GLB1L3: variants seen among roughly 807,000 people sequenced by gnomAD.
GLB1L3 encodes beta-galactosidase-1-like protein 3.
GLB1L3 carries 89 observed loss-of-function variants against 89.5 expected under a neutral mutation model. That is an observed-to-expected ratio of 0.99 (90% CI 0.84 to 1.19). GLB1L3 has a LOEUF of 1.19. Ranked by LOEUF, GLB1L3 falls within the 50% of genes most tolerant of loss-of-function variation. GLB1L3 has a pLI of 0.00. For missense variants in GLB1L3, 812 were observed against 813.3 expected, an observed-to-expected ratio of 1.00 and a Z score of 0.02; for synonymous variants, 314 against 312.3, an observed-to-expected ratio of 1.01 and a Z score of -0.06.
chr11:134,293,159 A>C lies in GLB1L3; in HGVS notation c.826A>C (p.Asn276His). The change falls in exon 9 of 20, where the codon AAT becomes CAT. Residue 276 changes from asparagine (N) to histidine (H), a missense_variant. Transcript: ENST00000431683. The part of the protein sequence containing the change: ...GHTKGVLAAI[N>H]LQKLHQDTFN... Reference sequence around the variant, plus strand: ...TCTTTATGCAGTGTTGGCCGCCATCAATTTGCAAAAACTTCACCAGGATAC... The same window carrying C: ...TCTTTATGCAGTGTTGGCCGCCATCCATTTGCAAAAACTTCACCAGGATAC... 1.2e-6 allele frequency: 2 copies of C among 1,613,778 alleles called. No homozygotes were observed. Among genetic ancestry groups the C allele is most frequent in the Non-Finnish European group, 1.7e-6 (2 of 1,179,760 alleles).
chr11:134,283,305 C>A (rs1940800153), intron 5 of GLB1L3, among the ~76,000 whole-genome samples: 1 of 152,160 alleles, frequency 6.6e-6, no homozygotes. Context: ...CTCAGGTGAT[C>A]TGCCCACCTC....
At position 134,295,045 on chromosome 11, in the gene GLB1L3, T is replaced by A. The variant is rs915253505; in HGVS notation, c.876+1836T>A. Reference sequence around the variant, plus strand: ...CATATTTTTGTTGAGAATTTTTGCTTCCATGTTTATGAAGGGCATTGGTCT... The same window carrying A: ...CATATTTTTGTTGAGAATTTTTGCTACCATGTTTATGAAGGGCATTGGTCT... On this transcript the variant is annotated intron_variant, in intron 9 of 19. Coordinates refer to ENST00000431683, the MANE Select transcript of GLB1L3 (RefSeq NM_001080407.3). Among the ~76,000 whole-genome samples, 4 of 152,250 alleles carry A rather than the reference T, an allele frequency of 2.6e-5. No homozygotes were observed. The South Asian group carries it at 8.3e-4, about 32-fold the overall frequency.
chr11:134,299,471 G>A (rs1382390352), intron 9 of GLB1L3, among the ~76,000 whole-genome samples: 3 of 152,120 alleles, frequency 2.0e-5, no homozygotes, highest in East Asian at 1.9e-4. Context: ...TGTTCCCCTC[G>A]TCTGGAGTTA....
intron 9 of GLB1L3, among the ~76,000 whole-genome samples, chr11:134,294,239 G>A (rs1216321320): frequency 2.0e-5 from 3 of 151,986 alleles, no homozygotes; most frequent in South Asian, 4.1e-4. Context: ...GCTAATTTTT[G>A]TACTTTTTGG....
intron 11 of GLB1L3, 91 bp downstream of exon 11, chr11:134,309,854 G>T: frequency 7.1e-7 from 1 of 1,406,814 alleles, no homozygotes; most frequent in Non-Finnish European, 9.8e-7. Context: ...GCACCACTGG[G>T]TTCTTGACCT....
At chr11:134,316,504 A>G (rs988787389) in intron 18 of GLB1L3, among the ~76,000 whole-genome samples, 1 of 152,212 alleles carries the variant, frequency 6.6e-6, no homozygotes, top group Admixed American at 6.5e-5. Context: ...CAGTTTAATC[A>G]TAACTATAAA....
intron 18 of GLB1L3, among the ~76,000 whole-genome samples, chr11:134,318,039 A>G (rs913560302): frequency 9.2e-5 from 14 of 152,122 alleles, no homozygotes; most frequent in Non-Finnish European, 2.9e-5. Context: ...CCAATGCCTT[A>G]TGTTTTTGAT....
chr11:134,305,548 T>C (rs1234920910), intron 9 of GLB1L3, among the ~76,000 whole-genome samples: 2 of 152,188 alleles, frequency 1.3e-5, no homozygotes, highest in Non-Finnish European at 2.9e-5. Context: ...AGGAGGAGAA[T>C]GTCAAGCCCA....
rs1412977493 is a variant in GLB1L3, at chr11:134,276,681, C to G, written c.-60C>G. 3 of 1,365,514 alleles carry G rather than the reference C, an allele frequency of 2.2e-6. No individual in the cohort carries two copies. The highest frequency in any genetic ancestry group is 2.8e-6 in the Non-Finnish European group (3 of 1,056,044). 84.6% of individuals were successfully genotyped at this position (1,365,514 alleles called of 1,614,324 possible). A position where few individuals can be genotyped will look rare whatever the true frequency, so the allele number is the denominator to read the frequency against. On this transcript the variant is annotated 5_prime_UTR_variant, in exon 1 of 20. Transcript: ENST00000431683. ...TCGAGTCCCGGCCCGAGCGCGGCGT[C>G]GGGGCCAGCGGAGAGGGGCGGAAGC...
intron 10 of GLB1L3, among the ~76,000 whole-genome samples, chr11:134,308,356 C>T (rs1215559461): frequency 3.1e-5 from 1 of 31,786 alleles, no homozygotes; most frequent in Non-Finnish European, 6.7e-5. Context: ...ACCATCACCA[C>T]TACCACCACC....
At chr11:134,280,875 T>A (rs978737079) in intron 3 of GLB1L3, among the ~76,000 whole-genome samples, 3 of 152,222 alleles carry the variant, frequency 2.0e-5, no homozygotes, top group African/African-American at 7.2e-5. Flanking sequence ...CTATGCCTGG[T>A]ATACCTAATA....
rs779133619 is a variant in GLB1L3 at position 134,313,966 on chromosome 11, T to G, written c.1605T>G (p.Asn535Lys). 6.2e-7 allele frequency: 1 copy of G among 1,612,532 alleles called. No homozygotes were observed. The highest frequency in any genetic ancestry group is 1.1e-5 in the South Asian group (1 of 90,868). The change falls in exon 17 of 20, where the codon AAT becomes AAG. Residue 535 changes from asparagine to lysine, a missense_variant. Physicochemically the swap from Asn to Lys is moderately conservative, Grantham distance 94 (BLOSUM62 0). Around this residue, in one of 3 missense-constraint regions of GLB1L3, gnomAD observed 618 missense variants for 604.0 expected, o/e 1.02. Coordinates refer to ENST00000431683, the MANE Select transcript of GLB1L3 (RefSeq NM_001080407.3). ...GAATAACTGGATCTGTCAGCATCAA[T>G]AACTCTTCCCTGGAGGGCTTTACCA... ...QKGITGSVSI[N>K]NSSLEGFTIY...
At chr11:134,288,477 A>C (rs1315271765) in intron 6 of GLB1L3, among the ~76,000 whole-genome samples, 1 of 152,184 alleles carries the variant, frequency 6.6e-6, no homozygotes, top group Admixed American at 6.5e-5. Context: ...CTAAGGCAGG[A>C]GGGAGGTGGG....
chr11:134,306,652 C>A (rs1022600000), intron 9 of GLB1L3, among the ~76,000 whole-genome samples: 3 of 152,214 alleles, frequency 2.0e-5, no homozygotes, highest in Non-Finnish European at 4.4e-5. Flanking sequence ...CATGGCACAG[C>A]AACAGCCAGG....
Position 134,312,359 on chromosome 11 carries a change from C to T in GLB1L3, c.1298C>T (p.Ser433Leu), listed in dbSNP as rs200082150. The T allele has an allele frequency of 9.9e-6, 16 of 1,613,530 alleles. No homozygotes were observed. Among genetic ancestry groups the T allele is most frequent in the Middle Eastern group, 1.7e-4 (1 of 6,060 alleles). ...CATTTCTCCTCATAGCCAGTCAGGT[C>T]GCGTCAGCCCGTCAACATGGAGAAC... is the stretch of plus-strand genomic sequence containing the variant. ...ALSYLNEPVR[S>L]RQPVNMENLP... Residue 433 changes from serine (S) to leucine (L), a missense_variant, in exon 14 of 20, where the codon TCG (serine) becomes TTG (leucine). Ser to Leu is a moderately radical substitution (Grantham distance 145). Coordinates refer to ENST00000431683, the MANE Select transcript of GLB1L3 (RefSeq NM_001080407.3).
At chr11:134,282,481 C>G (rs1409425233) in intron 5 of GLB1L3, among the ~76,000 whole-genome samples, 1 of 152,188 alleles carries the variant, frequency 6.6e-6, no homozygotes, top group Non-Finnish European at 1.5e-5. Flanking sequence ...TCAAAATGCC[C>G]TGGGAAGAAA....
At chr11:134,306,915 C>T (rs1236476901) in intron 9 of GLB1L3, among the ~76,000 whole-genome samples, 1 of 152,186 alleles carries the variant, frequency 6.6e-6, no homozygotes, top group Non-Finnish European at 1.5e-5. Flanking sequence ...AAGCTGGAGA[C>T]CATGGACGTT....
rs555926150 is a variant in GLB1L3 at position 134,300,934 on chromosome 11, C to T, written c.877-6190C>T. ...GTGAATTTGGCTGGGGGACGCAATT[C>T]AGCCTGCAACAGAGACTTGCCCGGG... On this transcript the variant is annotated intron_variant, in intron 9 of 19. Coordinates refer to ENST00000431683, the MANE Select transcript of GLB1L3 (RefSeq NM_001080407.3). 1.2e-4 allele frequency among the ~76,000 whole-genome samples: 19 copies of T among 152,346 alleles called. No individual in the cohort carries two copies. In the South Asian group the frequency reaches 3.9e-3, roughly 32 times the overall value.
intron 6 of GLB1L3, among the ~76,000 whole-genome samples, chr11:134,285,045 C>T (rs2136121552): frequency 6.6e-6 from 1 of 150,838 alleles, no homozygotes; most frequent in East Asian, 2.0e-4. Flanking sequence ...TCTCCTGCCT[C>T]AGCCTCCCAA....
Sources: allele counts gnomAD v4.1 joint callset (sites outside exome capture counted in the v4.1 genomes callset), GRCh38; gene constraint gnomAD v4.1.1; regional missense constraint gnomAD v4.1.1; transcripts MANE v1.5; gene names NCBI Gene and HGNC (gene_info 2026-07-23, HGNC 2026-07-21).